The following ATG3 variants were observed in gnomAD, a reference collection of about 807,000 sequenced individuals.
ATG3 encodes autophagy related 3.
In ATG3, 25 loss-of-function variants were observed where a neutral mutation model predicts 50.7. The observed-to-expected ratio is 0.49, with a 90% CI of 0.36 to 0.69. The LOEUF is 0.69. ATG3 is among the 30% of genes least tolerant of loss of function. The pLI is 0.00. For missense variants in ATG3, 281 were observed against 376.0 expected (o/e 0.75, Z 2.09); for synonymous variants, 119 against 125.5 (o/e 0.95, Z 0.34).
chr3:112,535,042 T>C (rs1247738117), intron 10 of ATG3: 1 of 152,184 alleles, frequency 6.6e-6, no homozygotes, highest in African/African-American at 2.4e-5. Context: ...TTGTCCTATC[T>C]ATACATCTTT....
intron 6 of ATG3, 72 bp downstream of exon 6, chr3:112,543,985 G>T: frequency 9.2e-7 from 1 of 1,091,070 alleles, no homozygotes; most frequent in Non-Finnish European, 1.4e-6. Flanking sequence ...GATTATATAT[G>T]TGTGTGTATA....
In ATG3 at chr3:112,558,419, T is replaced by A; in HGVS notation, c.73-2A>T. The stretch of plus-strand genomic sequence containing the variant: ...ACCTGTTTCCTTAAACTTTGATTCC[T>A]AAAAAAAGCAGAAAGAAAAACAATA... On this transcript the variant is annotated splice_acceptor_variant, in intron 1 of 11. Transcript: ENST00000283290. LOFTEE classifies it high-confidence loss of function. The A allele has an allele frequency of 6.3e-7, 1 of 1,594,440 alleles. No individual in the cohort carries two copies. The highest frequency in any genetic ancestry group is 8.6e-7 in the Non-Finnish European group (1 of 1,162,826).
At chr3:112,535,107 G>A (rs565552560) in intron 10 of ATG3, 27 of 152,190 alleles carry the variant, frequency 1.8e-4, no homozygotes, top group African/African-American at 5.5e-4. Flanking sequence ...ATCAAAGTTA[G>A]TATCTAGGCA....
At chr3:112,559,751 A>G (rs1268285975) in intron 1 of ATG3, among the ~76,000 whole-genome samples, 3 of 152,270 alleles carry the variant, frequency 2.0e-5, no homozygotes, top group Admixed American at 2.0e-4. Flanking sequence ...CTTAAGCAAC[A>G]GCAGTCAGGG....
At chr3:112,558,204 A>G in intron 2 of ATG3, 172 bp downstream of exon 2, 1 of 580,470 alleles carries the variant, frequency 1.7e-6, no homozygotes, top group East Asian at 2.9e-5. Flanking sequence ...CTGACGGGGA[A>G]GTTACATCTT....
intron 3 of ATG3, among the ~76,000 whole-genome samples, chr3:112,550,473 T>C (rs922201518): frequency 6.6e-6 from 1 of 152,194 alleles, no homozygotes; most frequent in Admixed American, 6.5e-5. Flanking sequence ...TACTAAGAGA[T>C]GCAGATAGAC....
At chr3:112,556,845 A>G (rs1933698234) in intron 2 of ATG3, among the ~76,000 whole-genome samples, 1 of 151,964 alleles carries the variant, frequency 6.6e-6, no homozygotes. Context: ...GTTAAGAGTC[A>G]TCACCACTCC....
At chr3:112,539,011 CAT>C (rs1009494850) in intron 7 of ATG3, among the ~76,000 whole-genome samples, 28 of 152,190 alleles carry the variant, frequency 1.8e-4, no homozygotes, top group African/African-American at 1.2e-4. Flanking sequence ...CCACTTGTCA[CAT>C]ATGACATCCA....
chr3:112,550,974 T>C (rs750576892), intron 3 of ATG3, among the ~76,000 whole-genome samples: 6 of 152,148 alleles, frequency 3.9e-5, no homozygotes, highest in Non-Finnish European at 8.8e-5. Flanking sequence ...TCACAAAACT[T>C]GGTGGGAGAG....
intron 4 of ATG3, 149 bp downstream of exon 4, chr3:112,550,043 T>G (rs539783190): frequency 1.8e-6 from 1 of 541,892 alleles, no homozygotes; most frequent in Non-Finnish European, 3.2e-6. Flanking sequence ...TTCCTTCGTA[T>G]CTTGACAACT....
Position 112,536,452 on chromosome 3 carries a change from T to C in ATG3, c.794+23A>G, listed in dbSNP as rs1433622475. 2.5e-6 allele frequency: 4 copies of C among 1,607,172 alleles called. No homozygotes were observed. In the East Asian group the frequency reaches 6.7e-5, roughly 27 times the overall value. On this transcript the variant is annotated intron_variant, in intron 10 of 11. Coordinates refer to ENST00000283290, the MANE Select transcript of ATG3 (RefSeq NM_022488.5). The stretch of plus-strand genomic sequence containing the variant: ...AAATATACAATCACATCAAAAAATA[T>C]ATTTATCTCTACATATACAGACCTG...
At position 112,559,387 on chromosome 3, in the gene ATG3, A is replaced by G. The variant is rs139932452; in HGVS notation, c.73-970T>C. Among the ~76,000 whole-genome samples, 5 of 152,362 alleles carry G rather than the reference A, an allele frequency of 3.3e-5. No individual in the cohort carries two copies. In the East Asian group the frequency reaches 7.7e-4, roughly 23 times the overall value. ...AACAAATGTTTACTATGTGCCAGACACTATTTGAGGCAGTGGGGATATTTG... is the reference window on the plus strand; with the variant it reads ...AACAAATGTTTACTATGTGCCAGACGCTATTTGAGGCAGTGGGGATATTTG... On this transcript the variant is annotated intron_variant, in intron 1 of 11. Transcript: ENST00000283290.
intron 3 of ATG3, among the ~76,000 whole-genome samples, chr3:112,552,648 AAT>A (rs1559847794): frequency 6.7e-6 from 1 of 149,980 alleles, no homozygotes; most frequent in Non-Finnish European, 1.5e-5. Context: ...CCTGTTCAAA[AAT>A]TTTTTTTTTT....
intron 11 of ATG3, 29 bp downstream of exon 11, chr3:112,534,240 C>T (rs758151807): frequency 1.9e-6 from 3 of 1,594,580 alleles, no homozygotes; most frequent in South Asian, 1.2e-5. Flanking sequence ...AGCCATTTTG[C>T]CACTAATCTT....
At position 112,537,992 on chromosome 3, in the gene ATG3, G is replaced by C. The variant is rs147650609; in HGVS notation, c.511-102C>G. On this transcript the variant is annotated intron_variant, in intron 8 of 11. Coordinates refer to ENST00000283290, the MANE Select transcript of ATG3 (RefSeq NM_022488.5). ...CATTCTATATTTTGTTTTCTTAAGA[G>C]TAAATGAACTTGGAACTCAAAGCTA... 78 of 1,296,554 alleles carry C rather than the reference G, an allele frequency of 6.0e-5. No individual in the cohort carries two copies. In the Admixed American group the frequency reaches 2.0e-3, roughly 34 times the overall value. The allele number at this position is 1,296,554 out of a possible 1,614,324, so 80.3% of individuals were successfully genotyped here. A position where few individuals can be genotyped will look rare whatever the true frequency, so the allele number is the denominator to read the frequency against.
intron 8 of ATG3, 42 bp from the exon 9 acceptor site, chr3:112,537,932 G>T: frequency 6.6e-7 from 1 of 1,511,974 alleles, no homozygotes. Flanking sequence ...CATTAAATCG[G>T]TATGAATGTG....
chr3:112,533,335 C>T (rs2082569804), intron 11 of ATG3: 1 of 984,958 alleles, frequency 1.0e-6, no homozygotes, highest in South Asian at 4.7e-5. Context: ...TTGGGGGAAA[C>T]CAATTACTAT....
At chr3:112,538,098 C>T (rs1239999872) in intron 8 of ATG3, 48 bp downstream of exon 8, 1 of 1,408,896 alleles carries the variant, frequency 7.1e-7, no homozygotes, top group Non-Finnish European at 9.8e-7. Context: ...ACATGCATCC[C>T]CAAGTTCATC....
chr3:112,544,011 A>C, intron 6 of ATG3, 46 bp downstream of exon 6: 1 of 1,412,242 alleles, frequency 7.1e-7, no homozygotes, highest in Non-Finnish European at 1.0e-6. Context: ...ATAGATAGGC[A>C]AATAACTACT....
Sources: gnomAD v4.1 joint callset for allele counts (sites outside exome capture counted in the v4.1 genomes callset) on GRCh38, gnomAD v4.1.1 for gene constraint, MANE v1.5 for transcripts, NCBI Gene and HGNC (gene_info 2026-07-23, HGNC 2026-07-21) for gene names.